The following PRKN variants were observed in gnomAD, a reference collection of about 807,000 sequenced individuals.
PRKN encodes the protein E3 ubiquitin-protein ligase parkin.
PRKN carries 56 observed loss-of-function variants against 59.5 expected under a neutral mutation model. The ratio of observed to expected loss-of-function variants is 0.94; its 90% confidence interval spans 0.76 to 1.18. PRKN has a LOEUF of 1.18. Among genes scored for constraint, PRKN ranks in the 50% most tolerant of loss-of-function variants. The probability of loss-of-function intolerance (pLI) is 0.00; values close to 1 mark genes in which losing one functional copy is unlikely to be tolerated. For missense variants in PRKN, 657 were observed against 596.4 expected (o/e 1.10, Z -1.06); for synonymous variants, 250 against 222.1 (o/e 1.13, Z -1.12).
intron 4 of PRKN, among the ~76,000 whole-genome samples, chr6:162,179,124 C>G (rs1783678024): frequency 6.6e-6 from 1 of 152,188 alleles, no homozygotes; most frequent in African/African-American, 2.4e-5. Flanking sequence ...AAGCAACGCT[C>G]CTGCCTCGGC....
chr6:162,566,713 G>A (rs561471044), intron 1 of PRKN, among the ~76,000 whole-genome samples: 1 of 152,202 alleles, frequency 6.6e-6, no homozygotes, highest in African/African-American at 2.4e-5. Flanking sequence ...ATTTAAAGAA[G>A]AACTAATACC....
intron 2 of PRKN, among the ~76,000 whole-genome samples, chr6:162,365,666 G>A (rs1001822117): frequency 2.0e-5 from 3 of 152,026 alleles, no homozygotes; most frequent in South Asian, 2.1e-4. Flanking sequence ...CTCATCACTC[G>A]CTCCAAGGTT....
intron 7 of PRKN, among the ~76,000 whole-genome samples, chr6:161,619,240 TA>T (rs67512352): frequency 1.5e-3 from 150 of 99,534 alleles, no homozygotes; most frequent in Admixed American, 3.2e-3. Context: ...CTGTCTTCAT[TA>T]AAAAAAAAAA....
intron 4 of PRKN, among the ~76,000 whole-genome samples, chr6:162,180,042 T>C (rs2128322743): frequency 6.7e-6 from 1 of 149,368 alleles, no homozygotes; most frequent in African/African-American, 2.4e-5. Context: ...TAGAAATGTA[T>C]GCTGCATGCC....
chr6:162,004,300 C>T (rs977716409), intron 5 of PRKN, among the ~76,000 whole-genome samples: 1 of 152,182 alleles, frequency 6.6e-6, no homozygotes, highest in Non-Finnish European at 1.5e-5. Context: ...TGAGACACCT[C>T]ACTTTCCCTT....
chr6:162,460,752 T>C (rs1215067819), intron 1 of PRKN, among the ~76,000 whole-genome samples: 1 of 152,220 alleles, frequency 6.6e-6, no homozygotes, highest in African/African-American at 2.4e-5. Context: ...ACAAAATTTG[T>C]AAACATCATC....
chr6:162,694,236 C>CAAAAAAA (rs149337714), intron 1 of PRKN, among the ~76,000 whole-genome samples: 4 of 93,502 alleles, frequency 4.3e-5, no homozygotes, highest in African/African-American at 1.3e-4. Flanking sequence ...AACAGTGAGA[C>CAAAAAAA]AAAAAAAAAA....
intron 6 of PRKN, among the ~76,000 whole-genome samples, chr6:161,957,474 A>G (rs1319582051): frequency 6.9e-6 from 1 of 145,956 alleles, no homozygotes; most frequent in East Asian, 2.0e-4. Context: ...CATCAGGCTG[A>G]AGTGCAGTGG....
In PRKN at chr6:162,221,122, C is replaced by T. The variant is rs114437029; in HGVS notation, c.413-19870G>A. On this transcript the variant is annotated intron_variant, in intron 3 of 11. Transcript: ENST00000366898. Reference sequence around the variant, plus strand: ...AGACTGGTTCCTGCTGGAATAGTTTCTTTTTTAAGACTAATGCACAAAAAT... The same window carrying T: ...AGACTGGTTCCTGCTGGAATAGTTTTTTTTTTAAGACTAATGCACAAAAAT... Among the ~76,000 whole-genome samples, 253 of 152,230 alleles carry T rather than the reference C, an allele frequency of 1.7e-3. 2 individuals carry two copies. The highest frequency in any genetic ancestry group is 5.8e-3 in the African/African-American group (242 of 41,556).
rs140466081 is a variant in PRKN, at chr6:161,702,215, G to C, written c.871+83557C>G. ...AATGCCATCGGAAGATGAGAGAAGAGAAATTCTACCAAAATTAGGTAAAAA... is the reference window on the plus strand; with the variant it reads ...AATGCCATCGGAAGATGAGAGAAGACAAATTCTACCAAAATTAGGTAAAAA... On this transcript the variant is annotated intron_variant, in intron 7 of 11. Coordinates refer to ENST00000366898, the MANE Select transcript of PRKN (RefSeq NM_004562.3). 1.5e-3 allele frequency among the ~76,000 whole-genome samples: 231 copies of C among 152,256 alleles called. 3 individuals are homozygous for C. Among genetic ancestry groups the C allele is most frequent in the African/African-American group, 5.2e-3 (216 of 41,544 alleles).
intron 4 of PRKN, among the ~76,000 whole-genome samples, chr6:162,196,932 C>T (rs1784516811): frequency 6.6e-6 from 1 of 152,110 alleles, no homozygotes. Flanking sequence ...ATGAGTGGAT[C>T]TCGTTGCAAA....
chr6:161,519,576 T>C (rs523179), intron 9 of PRKN, among the ~76,000 whole-genome samples: 108,269 of 151,998 alleles, frequency 0.71, 38,674 homozygotes, highest in Middle Eastern at 0.8. Flanking sequence ...AGATCAGGAA[T>C]AGGCAGGTGT....
intron 7 of PRKN, among the ~76,000 whole-genome samples, chr6:161,635,775 T>C (rs1027768949): frequency 2.0e-5 from 3 of 152,116 alleles, no homozygotes; most frequent in East Asian, 1.9e-4. Flanking sequence ...GGCCGTTGAA[T>C]TGGTGGGGGA....
At chr6:162,251,329 G>T (rs1223703588) in intron 3 of PRKN, among the ~76,000 whole-genome samples, 2 of 152,124 alleles carry the variant, frequency 1.3e-5, no homozygotes, top group African/African-American at 4.8e-5. Flanking sequence ...CTGCTCATCA[G>T]AATCACCTGT....
intron 7 of PRKN, among the ~76,000 whole-genome samples, chr6:161,572,148 CCTGTTTCTTGGG>C (rs1353828343): frequency 6.6e-6 from 1 of 152,142 alleles, no homozygotes; most frequent in African/African-American, 2.4e-5. Context: ...ACAGAAAGGT[CCTGTTTCTTGGG>C]AGAAGCCTGA....
chr6:161,915,260 G>A (rs1050488987), intron 6 of PRKN, among the ~76,000 whole-genome samples: 101 of 152,260 alleles, frequency 6.6e-4, no homozygotes, highest in African/African-American at 2.3e-3. Context: ...ACTCCAGCCT[G>A]GGTGACAGAG....
intron 4 of PRKN, among the ~76,000 whole-genome samples, chr6:162,102,119 C>T (rs551728480): frequency 6.6e-6 from 1 of 152,248 alleles, no homozygotes; most frequent in South Asian, 2.1e-4. Flanking sequence ...TGGTTTGCTG[C>T]CCCATCAACC....
intron 2 of PRKN, among the ~76,000 whole-genome samples, chr6:162,286,032 C>T (rs1393901644): frequency 2.6e-5 from 4 of 152,102 alleles, no homozygotes; most frequent in Non-Finnish European, 5.9e-5. Context: ...CAAAATGCAG[C>T]GTGGCAGCAT....
chr6:162,235,963 A>AAGAAAGAAAGAAAGAAAGAAAGAAAG lies in PRKN; in HGVS notation c.412+26536_412+26561dup, dbSNP rs1562602285. Among the ~76,000 whole-genome samples the AAGAAAGAAAGAAAGAAAGAAAGAAAG allele has an allele frequency of 6.5e-5, 4 of 61,540 alleles. 1 individual carries two copies. The highest frequency in any genetic ancestry group is 3.1e-4 in the African/African-American group (4 of 13,092). 40.4% of individuals were successfully genotyped at this position (61,540 alleles called of 152,430 possible). On this transcript the variant is annotated intron_variant, in intron 3 of 11. Coordinates refer to ENST00000366898, the MANE Select transcript of PRKN (RefSeq NM_004562.3). Reference sequence around the variant, plus strand: ...GAAGGAAGGAAGGAAGAAAGGAAGAAAGAAAGAAAGAAAGAAAGAAAGAAA... The same window carrying AAGAAAGAAAGAAAGAAAGAAAGAAAG: ...GAAGGAAGGAAGGAAGAAAGGAAGAAAGAAAGAAAGAAAGAAAGAAAGAAAGAGAAAGAAAGAAAGAAAGAAAGAAA...
Sources: allele counts gnomAD v4.1 joint callset (sites outside exome capture counted in the v4.1 genomes callset), GRCh38; gene constraint gnomAD v4.1.1; transcripts MANE v1.5; gene names NCBI Gene and HGNC (gene_info 2026-07-23, HGNC 2026-07-21).